Variants in INPP4B observed in about 807,000 individuals in gnomAD.
INPP4B encodes inositol polyphosphate-4-phosphatase type II B.
Under a neutral mutation model 122.5 loss-of-function variants are expected in INPP4B, and 55 were observed. The ratio of observed to expected loss-of-function variants is 0.45; its 90% CI spans 0.36 to 0.56. INPP4B has a LOEUF of 0.56. Ranked by LOEUF, INPP4B falls within the 20% of genes least tolerant of loss-of-function variation. The pLI, the probability that INPP4B is intolerant of heterozygous loss-of-function variation, is 0.00. For synonymous variants in INPP4B, 403 were observed against 388.7 expected (o/e 1.04, Z -0.43); for missense variants, 1,000 against 1,097.7 (o/e 0.91, Z 1.26).
intron 1 of INPP4B, among the ~76,000 whole-genome samples, chr4:142,805,635 G>A (rs141985267): frequency 1.9e-3 from 293 of 152,196 alleles, no homozygotes; most frequent in African/African-American, 6.7e-3. Flanking sequence ...TGAGGACGAA[G>A]ACCTTTATGA....
chr4:142,642,607 G>A (rs772149521), intron 2 of INPP4B, among the ~76,000 whole-genome samples: 23 of 152,142 alleles, frequency 1.5e-4, no homozygotes, highest in Non-Finnish European at 3.1e-4. Flanking sequence ...TGAGGACTTT[G>A]TTCTGTTCCA....
chr4:142,081,103 G>A (rs2152524487), intron 25 of INPP4B, among the ~76,000 whole-genome samples: 1 of 152,182 alleles, frequency 6.6e-6, no homozygotes, highest in East Asian at 1.9e-4. Flanking sequence ...AAAACACAGA[G>A]GCATAGAACA....
At chr4:142,818,596 T>C (rs1392038893) in intron 1 of INPP4B, among the ~76,000 whole-genome samples, 8 of 152,158 alleles carry the variant, frequency 5.3e-5, no homozygotes, top group Non-Finnish European at 5.9e-5. Flanking sequence ...AGGAAATTGA[T>C]ACAGCATTAG....
chr4:142,401,364 T>A (rs1801532242), intron 7 of INPP4B, among the ~76,000 whole-genome samples: 1 of 151,976 alleles, frequency 6.6e-6, no homozygotes, highest in African/African-American at 2.4e-5. Context: ...TCACATTACC[T>A]CAAAAACCAA....
Position 142,409,776 on chromosome 4 carries a change from C to T in INPP4B, c.137-4452G>A, listed in dbSNP as rs142369756. Among the ~76,000 whole-genome samples, 607 of 152,300 alleles carry T rather than the reference C, an allele frequency of 4.0e-3. 3 individuals carry two copies. Among genetic ancestry groups the T allele is most frequent in the Non-Finnish European group, 5.0e-3 (343 of 68,020 alleles). On this transcript the variant is annotated intron_variant, in intron 5 of 25. Transcript: ENST00000262992. Reference sequence around the variant, plus strand: ...AACACTGGAACAGCTGCACAAAATACATCTGTTTGATAGATTTGGCCAGAA... The same window carrying T: ...AACACTGGAACAGCTGCACAAAATATATCTGTTTGATAGATTTGGCCAGAA...
At chr4:142,478,122 T>C (rs1169797760) in intron 2 of INPP4B, among the ~76,000 whole-genome samples, 1 of 152,194 alleles carries the variant, frequency 6.6e-6, no homozygotes, top group Non-Finnish European at 1.5e-5. Flanking sequence ...TTGTGTGCAC[T>C]GATTTTGTAT....
intron 23 of INPP4B, among the ~76,000 whole-genome samples, chr4:142,094,764 T>C (rs1425029313): frequency 6.6e-6 from 1 of 152,168 alleles, no homozygotes; most frequent in African/African-American, 2.4e-5. Context: ...ATAGTCACAG[T>C]ATGTGGCCTA....
At chr4:142,055,200 A>G (rs1479711800) in intron 25 of INPP4B, among the ~76,000 whole-genome samples, 1 of 152,148 alleles carries the variant, frequency 6.6e-6, no homozygotes, top group African/African-American at 2.4e-5. Context: ...CACGCTTTTC[A>G]ATAGTGTGAT....
chr4:142,152,886 A>C (rs1319161799), intron 17 of INPP4B, among the ~76,000 whole-genome samples: 2 of 152,232 alleles, frequency 1.3e-5, no homozygotes, highest in African/African-American at 4.8e-5. Flanking sequence ...GTCAGGTTTC[A>C]TATAAGTGCC....
chr4:142,556,839 T>C (rs574920463), intron 2 of INPP4B, among the ~76,000 whole-genome samples: 42 of 152,316 alleles, frequency 2.8e-4, no homozygotes, highest in Non-Finnish European at 5.7e-4. Flanking sequence ...AAGTATCGAT[T>C]GCAGTTTTTA....
intron 7 of INPP4B, among the ~76,000 whole-genome samples, chr4:142,362,491 T>C (rs1338743740): frequency 6.6e-6 from 1 of 152,026 alleles, no homozygotes; most frequent in Non-Finnish European, 1.5e-5. Flanking sequence ...CTATTAAAAA[T>C]TATTTATGTC....
intron 25 of INPP4B, among the ~76,000 whole-genome samples, chr4:142,081,305 G>A (rs756081161): frequency 5.3e-5 from 8 of 152,092 alleles, no homozygotes; most frequent in Non-Finnish European, 7.4e-5. Context: ...AGACAATTTC[G>A]CTTAACTTTT....
chr4:142,422,932 C>A (rs185048583), intron 5 of INPP4B, among the ~76,000 whole-genome samples: 2 of 152,096 alleles, frequency 1.3e-5, no homozygotes, highest in East Asian at 3.9e-4. Context: ...AATTCTTAGC[C>A]GTTGGTTCTC....
chr4:142,587,845 ATTAC>A (rs1311700044), intron 2 of INPP4B, among the ~76,000 whole-genome samples: 3 of 152,070 alleles, frequency 2.0e-5, no homozygotes, highest in Non-Finnish European at 4.4e-5. Context: ...TTATGACAGA[ATTAC>A]TTTAATATAA....
At position 142,092,802 on chromosome 4, in the gene INPP4B, T is replaced by C. The variant is rs568267213; in HGVS notation, c.2375-6546A>G. On this transcript the variant is annotated intron_variant, in intron 23 of 25. Transcript: ENST00000262992. ...CAACATTGACCAGCCACAGTACAAA[T>C]GTGTACTGTTGATTTAGAATGAGGA... Among the ~76,000 whole-genome samples the C allele has an allele frequency of 3.9e-5, 6 of 152,346 alleles. No individual in the cohort carries two copies. In the East Asian group the frequency reaches 1.2e-3, roughly 29 times the overall value.
intron 16 of INPP4B, among the ~76,000 whole-genome samples, chr4:142,163,476 A>T (rs1258449181): frequency 6.6e-6 from 1 of 151,884 alleles, no homozygotes; most frequent in Non-Finnish European, 1.5e-5. Flanking sequence ...CACTTTATCT[A>T]ATCACGTAGA....
chr4:142,325,081 C>G (rs1399460754), intron 7 of INPP4B, among the ~76,000 whole-genome samples: 1 of 152,150 alleles, frequency 6.6e-6, no homozygotes, highest in African/African-American at 2.4e-5. Context: ...TTTGGTCTCT[C>G]TAGTTATTTT....
chr4:142,633,352 G>C (rs530659913), intron 2 of INPP4B, among the ~76,000 whole-genome samples: 34 of 152,118 alleles, frequency 2.2e-4, no homozygotes, highest in African/African-American at 7.9e-4. Context: ...AAATAAATAA[G>C]TAAATGCTGA....
chr4:142,246,982 C>T (rs1164960886), intron 11 of INPP4B, among the ~76,000 whole-genome samples: 1 of 152,074 alleles, frequency 6.6e-6, no homozygotes, highest in African/African-American at 2.4e-5. Context: ...TCAATACCTA[C>T]TTTATTGAGA....
Sources: allele counts gnomAD v4.1 joint callset (sites outside exome capture counted in the v4.1 genomes callset), GRCh38; gene constraint gnomAD v4.1.1; transcripts MANE v1.5; gene names NCBI Gene and HGNC (gene_info 2026-07-23, HGNC 2026-07-21).